FANCC: variants seen among roughly 807,000 people sequenced by gnomAD.
FANCC encodes FA complementation group C.
FANCC carries 55 observed loss-of-function variants against 71.3 expected under a neutral mutation model. The ratio of observed to expected loss-of-function variants is 0.77; its 90% confidence interval spans 0.62 to 0.97. The LOEUF (loss-of-function observed/expected upper bound fraction) is 0.97. FANCC is among the 50% of genes least tolerant of loss of function. The pLI is 0.00. For missense variants in FANCC, 678 were observed against 670.9 expected, an observed-to-expected ratio of 1.01 and a Z score of -0.12; for synonymous variants, 275 against 244.9, an observed-to-expected ratio of 1.12 and a Z score of -1.15.
chr9:95,184,698 A>G (rs1482763763), intron 4 of FANCC, among the ~76,000 whole-genome samples: 1 of 152,238 alleles, frequency 6.6e-6, no homozygotes, highest in Admixed American at 6.5e-5. Flanking sequence ...CAAAATTCAC[A>G]TGGAGAAGCA....
chr9:95,238,608 C>T (rs994514597), intron 4 of FANCC, among the ~76,000 whole-genome samples: 7 of 151,952 alleles, frequency 4.6e-5, no homozygotes, highest in African/African-American at 1.7e-4. Context: ...CTCTGTCACC[C>T]AGGCTGGAGT....
At chr9:95,310,138 G>A (rs1335413474) in intron 1 of FANCC, among the ~76,000 whole-genome samples, 1 of 152,184 alleles carries the variant, frequency 6.6e-6, no homozygotes, top group African/African-American at 2.4e-5. Flanking sequence ...CCAGGCAGGA[G>A]GACAGCTTGA....
chr9:95,104,726 C>G (rs2134420998), intron 14 of FANCC, among the ~76,000 whole-genome samples: 1 of 152,274 alleles, frequency 6.6e-6, no homozygotes, highest in East Asian at 1.9e-4. Flanking sequence ...GTCGGCAGGG[C>G]TGGAGTCACC....
intron 1 of FANCC, among the ~76,000 whole-genome samples, chr9:95,299,530 C>T (rs1296641249): frequency 2.0e-5 from 3 of 152,178 alleles, no homozygotes; most frequent in Non-Finnish European, 4.4e-5. Context: ...ATACTTAACC[C>T]TCTGTCAAAT....
At chr9:95,224,921 C>A (rs1425999206) in intron 4 of FANCC, among the ~76,000 whole-genome samples, 1 of 152,108 alleles carries the variant, frequency 6.6e-6, no homozygotes. Flanking sequence ...ACTATTCAAA[C>A]CACACAGCTT....
chr9:95,184,888 T>C (rs1190083285), intron 4 of FANCC, among the ~76,000 whole-genome samples: 1 of 152,208 alleles, frequency 6.6e-6, no homozygotes, highest in Non-Finnish European at 1.5e-5. Context: ...GTCCTAAAGG[T>C]ACCAAGTACA....
intron 10 of FANCC, among the ~76,000 whole-genome samples, chr9:95,124,709 A>G (rs1053496230): frequency 2.0e-5 from 3 of 152,164 alleles, no homozygotes; most frequent in African/African-American, 7.2e-5. Context: ...TATTCATCAC[A>G]TGCCATATAG....
chr9:95,150,482 G>A (rs144578945), intron 6 of FANCC, among the ~76,000 whole-genome samples: 1 of 152,146 alleles, frequency 6.6e-6, no homozygotes, highest in Non-Finnish European at 1.5e-5. Context: ...CAACACATCT[G>A]ACCTCTTCTG....
At chr9:95,288,256 C>T (rs1355209197) in intron 1 of FANCC, among the ~76,000 whole-genome samples, 3 of 152,102 alleles carry the variant, frequency 2.0e-5, no homozygotes, top group Non-Finnish European at 4.4e-5. Flanking sequence ...TTATCCAAGT[C>T]GATCATGTTT....
At chr9:95,276,877 C>G (rs1265436568) in intron 1 of FANCC, among the ~76,000 whole-genome samples, 1 of 152,186 alleles carries the variant, frequency 6.6e-6, no homozygotes, top group Non-Finnish European at 1.5e-5. Context: ...GCTGCAGCGT[C>G]TACTCTGAGA....
intron 10 of FANCC, among the ~76,000 whole-genome samples, chr9:95,122,021 C>A (rs1261008860): frequency 2.0e-5 from 3 of 151,846 alleles, no homozygotes; most frequent in African/African-American, 7.3e-5. Flanking sequence ...CCATGCCCGG[C>A]GAATTTTTTT....
At chr9:95,296,666 T>G (rs1324861338) in intron 1 of FANCC, among the ~76,000 whole-genome samples, 1 of 152,220 alleles carries the variant, frequency 6.6e-6, no homozygotes, top group Non-Finnish European at 1.5e-5. Flanking sequence ...GTGTATTCAG[T>G]TAGCCAAACA....
At chr9:95,316,132 A>G (rs797000929) in intron 1 of FANCC, among the ~76,000 whole-genome samples, 2 of 152,268 alleles carry the variant, frequency 1.3e-5, no homozygotes, top group South Asian at 4.1e-4. Flanking sequence ...TATAATATAC[A>G]AAGTATAATT....
Position 95,134,664 on chromosome 9 carries a change from C to A in FANCC, c.843+682G>T, listed in dbSNP as rs555356434. On this transcript the variant is annotated intron_variant, in intron 8 of 14. Coordinates refer to ENST00000289081, the MANE Select transcript of FANCC (RefSeq NM_000136.3). Reference sequence around the variant, plus strand: ...GCCTTGGTCTTTATTCCTGTCCTTACAAAATGTGCTCCAATCCCACAGAGC... The same window carrying A: ...GCCTTGGTCTTTATTCCTGTCCTTAAAAAATGTGCTCCAATCCCACAGAGC... Among the ~76,000 whole-genome samples the A allele has an allele frequency of 6.8e-4, 104 of 152,340 alleles. 3 individuals are homozygous for A. In the South Asian group the frequency reaches 0.02, roughly 30 times the overall value.
At position 95,100,140 on chromosome 9, in the gene FANCC, C is replaced by A. The variant is rs1209733864; in HGVS notation, c.*1567G>T. 2 of 232,642 alleles carry A rather than the reference C, an allele frequency of 8.6e-6. No individual in the cohort carries two copies. The highest frequency in any genetic ancestry group is 1.7e-5 in the Non-Finnish European group (2 of 117,746). 14.4% of individuals were successfully genotyped at this position (232,642 alleles called of 1,614,324 possible). ...GTGAAGCATGCAGCTCCTTTTTCAACCCCAACACCTCTGACGAAGCATGTT... is the reference window on the plus strand; with the variant it reads ...GTGAAGCATGCAGCTCCTTTTTCAAACCCAACACCTCTGACGAAGCATGTT... On this transcript the variant is annotated 3_prime_UTR_variant, in exon 15 of 15. Transcript: ENST00000289081.
chr9:95,308,959 G>A (rs1484476069), intron 1 of FANCC, among the ~76,000 whole-genome samples: 1 of 152,156 alleles, frequency 6.6e-6, no homozygotes, highest in Non-Finnish European at 1.5e-5. Context: ...AACGAGTTAT[G>A]ATTGCACTAC....
intron 1 of FANCC, among the ~76,000 whole-genome samples, chr9:95,291,734 G>C (rs1433790378): frequency 6.6e-6 from 1 of 151,766 alleles, no homozygotes; most frequent in Non-Finnish European, 1.5e-5. Context: ...GATCACCTGA[G>C]GTCAGGAGTG....
At chr9:95,123,645 G>T (rs1406336585) in intron 10 of FANCC, 1 of 620,016 alleles carries the variant, frequency 1.6e-6, no homozygotes, top group African/African-American at 1.8e-5. Flanking sequence ...TTCATCATTG[G>T]AAACACAGTG....
chr9:95,113,429 A>G (rs993878267), intron 12 of FANCC, among the ~76,000 whole-genome samples: 1 of 152,176 alleles, frequency 6.6e-6, no homozygotes, highest in African/African-American at 2.4e-5. Flanking sequence ...GATACAAGGA[A>G]TTTAGCAAGG....
Sources: allele counts gnomAD v4.1 joint callset (sites outside exome capture counted in the v4.1 genomes callset), GRCh38; gene constraint gnomAD v4.1.1; transcripts MANE v1.5; gene names NCBI Gene and HGNC (gene_info 2026-07-23, HGNC 2026-07-21).